Variants in WRN observed in about 807,000 individuals in gnomAD.
WRN encodes the protein bifunctional 3'-5' exonuclease/ATP-dependent helicase WRN.
A neutral mutation model predicts 180.7 loss-of-function variants in WRN; 149 were observed. The observed-to-expected ratio is 0.82, with a 90% CI of 0.72 to 0.94. WRN has a LOEUF of 0.94. Among genes scored for constraint, WRN ranks in the 40% least tolerant of loss-of-function variants. The pLI is 0.00. For synonymous variants in WRN, 548 were observed against 568.9 expected (o/e 0.96, Z 0.52); for missense variants, 1,661 against 1,700.1 (o/e 0.98, Z 0.40).
rs1437068988 is a variant in WRN at position 31,087,935 on chromosome 8, A to G, written c.1576+15A>G. The G allele has an allele frequency of 3.7e-6, 6 of 1,609,856 alleles. No individual in the cohort carries two copies. Among genetic ancestry groups the G allele is most frequent in the Admixed American group, 1.7e-5 (1 of 59,460 alleles). On this transcript the variant is annotated intron_variant, in intron 12 of 34. Transcript: ENST00000298139. ...TGATGATAAGGGTAAGCACTGAAGT[A>G]TGTTTGAAATGACTCACCTGTGATA...
At chr8:31,064,848 A>G in intron 4 of WRN, 67 bp from the exon 5 acceptor site, 3 of 1,553,330 alleles carry the variant, frequency 1.9e-6, no homozygotes, top group Non-Finnish European at 2.7e-6. Flanking sequence ...CATGGTATGT[A>G]TAAGAAGTAG....
chr8:31,099,381 G>T (rs1266989239), intron 17 of WRN, among the ~76,000 whole-genome samples: 1 of 143,284 alleles, frequency 7.0e-6, no homozygotes, highest in Non-Finnish European at 1.5e-5. Flanking sequence ...TTTAGCCTAA[G>T]AAAAGGAAGG....
rs1322991698 is a variant in WRN at position 31,174,550 on chromosome 8, A to G, written c.*1448A>G. Among the ~76,000 whole-genome samples the G allele has an allele frequency of 6.6e-6, 1 of 152,220 alleles. No homozygotes were observed. Among genetic ancestry groups the G allele is most frequent in the African/African-American group, 2.4e-5 (1 of 41,464 alleles). ...AAAACAACTGGTATTTGTTGTGCCAATGATAAAATTGGAGATTTCTAGCAA... is the reference window on the plus strand; with the variant it reads ...AAAACAACTGGTATTTGTTGTGCCAGTGATAAAATTGGAGATTTCTAGCAA... On this transcript the variant is annotated 3_prime_UTR_variant, in exon 35 of 35. Transcript: ENST00000298139.
In WRN at chr8:31,141,559, C is replaced by G; in HGVS notation, c.3097C>G (p.Arg1033Gly). 1 of 1,614,058 alleles carries G rather than the reference C, an allele frequency of 6.2e-7. No homozygotes were observed. Residue 1033 changes from arginine (R) to glycine (G), a missense_variant, in exon 25 of 35, where the codon CGG becomes GGG. Arg to Gly is a moderately radical substitution (Grantham distance 125). Transcript: ENST00000298139. ...TGAGGGATTCTTGGTAGAAGTTTCT[C>G]GGTATAACAAATTTATGAAGATTTG... ...ITEGFLVEVS[R>G]YNKFMKICAL...
Position 31,064,609 on chromosome 8 carries a change from C to T in WRN, c.355+175C>T, listed in dbSNP as rs528811015. On this transcript the variant is annotated intron_variant, in intron 4 of 34. Coordinates refer to ENST00000298139, the MANE Select transcript of WRN (RefSeq NM_000553.6). ...TCCTTGTTTTATTTAATTTTCACAA[C>T]ATACCTGTGAGGCATTGACATTTTT... 6.6e-5 allele frequency among the ~76,000 whole-genome samples: 10 copies of T among 152,308 alleles called. No individual in the cohort carries two copies. The South Asian group carries it at 2.1e-3, about 32-fold the overall frequency.
chr8:31,049,342 G>A (rs1039948933), intron 1 of WRN, among the ~76,000 whole-genome samples: 7 of 151,130 alleles, frequency 4.6e-5, no homozygotes, highest in Admixed American at 1.3e-4. Flanking sequence ...GACCAGCCTG[G>A]GCAACATGGT....
At chr8:31,046,374 AT>A (rs747793832) in intron 1 of WRN, among the ~76,000 whole-genome samples, 10 of 151,474 alleles carry the variant, frequency 6.6e-5, no homozygotes, top group African/African-American at 1.2e-4. Flanking sequence ...TTTAAAGGTG[AT>A]TTTTTTTTCT....
At position 31,081,208 on chromosome 8, in the gene WRN, C is replaced by T. The variant is rs200487813; in HGVS notation, c.1181C>T (p.Ser394Leu). Residue 394 changes from serine (S) to leucine (L), a missense_variant, in exon 9 of 35, where the codon TCG becomes TTG. By Grantham distance (145) the Ser-to-Leu change is moderately radical. This residue lies in a region of WRN where 500 missense variants were observed against 504.1 expected (regional missense o/e 0.99). Transcript: ENST00000298139. ...KENMERACLM[S>L]LDITEHELQI... ...AATATGGAAAGAGCTTGTTTGATGT[C>T]GTTAGATATTACAGAACATGAACTC... 1.2e-4 allele frequency: 198 copies of T among 1,613,600 alleles called. No homozygotes were observed. In the Admixed American group the frequency reaches 2.7e-3, roughly 22 times the overall value.
chr8:31,074,167 C>T (rs2130084997), intron 7 of WRN, among the ~76,000 whole-genome samples: 1 of 151,866 alleles, frequency 6.6e-6, no homozygotes, highest in African/African-American at 2.4e-5. Flanking sequence ...CCTCGTGATC[C>T]ACCCGCCTCG....
chr8:31,077,035 T>G (rs1813120483), intron 8 of WRN, among the ~76,000 whole-genome samples: 1 of 152,252 alleles, frequency 6.6e-6, no homozygotes, highest in Admixed American at 6.5e-5. Flanking sequence ...AAATACTTTG[T>G]AGAAATGTGA....
chr8:31,068,990 A>G (rs1812810998), intron 7 of WRN, among the ~76,000 whole-genome samples: 1 of 152,178 alleles, frequency 6.6e-6, no homozygotes, highest in Admixed American at 6.5e-5. Flanking sequence ...CCTGGGATGT[A>G]CCTGTTTCTC....
intron 24 of WRN, among the ~76,000 whole-genome samples, chr8:31,135,967 C>G (rs1452278075): frequency 6.6e-6 from 1 of 152,178 alleles, no homozygotes; most frequent in Non-Finnish European, 1.5e-5. Context: ...TTTCCACATT[C>G]CATGATATGT....
intron 21 of WRN, 131 bp downstream of exon 21, chr8:31,120,555 A>G: frequency 2.1e-6 from 2 of 950,802 alleles, no homozygotes; most frequent in Non-Finnish European, 3.0e-6. Flanking sequence ...AAAAAAAAAA[A>G]AGAAAAATAA....
chr8:31,159,311 GA>G (rs901883257), intron 33 of WRN, among the ~76,000 whole-genome samples: 94 of 140,374 alleles, frequency 6.7e-4, no homozygotes, highest in Admixed American at 8.6e-4. Flanking sequence ...CTCAAAAGGA[GA>G]AAAAAAAAAA....
chr8:31,119,804 C>G (rs1427777924), intron 20 of WRN, among the ~76,000 whole-genome samples: 1 of 151,982 alleles, frequency 6.6e-6, no homozygotes, highest in Non-Finnish European at 1.5e-5. Flanking sequence ...ATTTTACCCT[C>G]TTAAAGATGC....
rs772367115 is a variant in WRN at position 31,056,643 on chromosome 8, C to T, written c.-76-1729C>T. The stretch of plus-strand genomic sequence containing the variant: ...TGTACCTTTCTTTTGCATTAGGACA[C>T]GTTGTAGTTTTGTATGAACACTCTA... On this transcript the variant is annotated intron_variant, in intron 1 of 34. Transcript: ENST00000298139. 3.9e-5 allele frequency among the ~76,000 whole-genome samples: 6 copies of T among 152,174 alleles called. 1 individual carries two copies. In the South Asian group the frequency reaches 1.2e-3, roughly 32 times the overall value.
At chr8:31,138,938 T>C (rs1802502115) in intron 24 of WRN, among the ~76,000 whole-genome samples, 1 of 151,082 alleles carries the variant, frequency 6.6e-6, no homozygotes, top group African/African-American at 2.4e-5. Context: ...GCTTAGCCTA[T>C]TTTTTGGCAA....
intron 10 of WRN, among the ~76,000 whole-genome samples, chr8:31,084,496 G>C (rs1348187841): frequency 1.3e-5 from 2 of 152,052 alleles, no homozygotes; most frequent in Non-Finnish European, 2.9e-5. Context: ...AATTAAGGCT[G>C]TGCTTCCTTT....
At chr8:31,165,572 C>T (rs1056261922) in intron 33 of WRN, among the ~76,000 whole-genome samples, 23 of 152,058 alleles carry the variant, frequency 1.5e-4, no homozygotes, top group African/African-American at 5.5e-4. Flanking sequence ...AGATATTTTA[C>T]ATACTTTTTT....
Sources: allele counts gnomAD v4.1 joint callset (sites outside exome capture counted in the v4.1 genomes callset), GRCh38; gene constraint gnomAD v4.1.1; regional missense constraint gnomAD v4.1.1; transcripts MANE v1.5; gene names NCBI Gene and HGNC (gene_info 2026-07-23, HGNC 2026-07-21).